Variants in BTD observed in about 807,000 individuals in gnomAD.
The protein encoded by BTD is biotinidase.
BTD carries 13 observed loss-of-function variants against 17.7 expected under a neutral mutation model. That is an observed-to-expected ratio of 0.74 (90% CI 0.48 to 1.17). The LOEUF (loss-of-function observed/expected upper bound fraction) is 1.17, where lower values mean the gene tolerates loss of function less well. Among genes scored for constraint, BTD ranks in the 50% most tolerant of loss-of-function variants. The pLI is 0.00. For synonymous variants in BTD, 240 were observed against 245.2 expected, an observed-to-expected ratio of 0.98 and a Z score of 0.20; for missense variants, 674 against 650.4, an observed-to-expected ratio of 1.04 and a Z score of -0.39.
chr3:15,681,824 G>A (rs2067576049), intron 3 of BTD, among the ~76,000 whole-genome samples: 1 of 152,298 alleles, frequency 6.6e-6, no homozygotes, highest in African/African-American at 2.4e-5. Flanking sequence ...GTGGGGCAGT[G>A]CAACTGGCAT....
rs1229941394 is a variant in BTD at position 15,650,108 on chromosome 3, A to G, written c.*4620A>G. Among the ~76,000 whole-genome samples, 3 of 152,250 alleles carry G rather than the reference A, an allele frequency of 2.0e-5. No individual in the cohort carries two copies. Among genetic ancestry groups the G allele is most frequent in the Non-Finnish European group, 1.5e-5 (1 of 68,048 alleles). On this transcript the variant is annotated 3_prime_UTR_variant, in exon 4 of 4. Transcript: ENST00000643237. The stretch of plus-strand genomic sequence containing the variant: ...TTCATCTTTTGTCTCTGCAGCGTTC[A>G]GCATGGCACTGTCTTGGCTTACAAA...
chr3:15,667,983 G>T (rs2066068682), intron 3 of BTD: 1 of 152,252 alleles, frequency 6.6e-6, no homozygotes, highest in Admixed American at 6.5e-5. Context: ...CTGTAAAAGA[G>T]AAGACATGGC....
At chr3:15,656,445 G>A (rs2065872475), downstream of BTD, among the ~76,000 whole-genome samples, 2 of 152,186 alleles carry the variant, frequency 1.3e-5, no homozygotes, top group Non-Finnish European at 2.9e-5. Context: ...GCTCATGCGG[G>A]AGGGACACAG....
intron 3 of BTD, among the ~76,000 whole-genome samples, chr3:15,659,188 A>G (rs1323259731): frequency 2.0e-5 from 3 of 152,184 alleles, no homozygotes; most frequent in African/African-American, 7.2e-5. Context: ...TATATCTCAC[A>G]CACCTACTCT....
intron 3 of BTD, among the ~76,000 whole-genome samples, chr3:15,701,224 G>C (rs1045564042): frequency 2.0e-5 from 3 of 152,100 alleles, no homozygotes; most frequent in African/African-American, 7.2e-5. Flanking sequence ...AAATGCTTTA[G>C]ACCTCTTAGA....
chr3:15,670,321 G>A, intron 3 of BTD: 1 of 1,613,686 alleles, frequency 6.2e-7, no homozygotes, highest in Non-Finnish European at 8.5e-7. Flanking sequence ...CAGTGTATAA[G>A]TACTCCTGTT....
downstream of BTD, among the ~76,000 whole-genome samples, chr3:15,715,994 C>CA (rs2072970666): frequency 1.4e-5 from 2 of 142,712 alleles, no homozygotes; most frequent in Non-Finnish European, 3.1e-5. Flanking sequence ...TTTTTTCTCT[C>CA]TTTTTTTTTT....
At chr3:15,615,728 G>C (rs2125373477) in intron 1 of BTD, among the ~76,000 whole-genome samples, 1 of 152,326 alleles carries the variant, frequency 6.6e-6, no homozygotes, top group Non-Finnish European at 1.5e-5. Flanking sequence ...AGAATGGTAT[G>C]TTTGTTATAA....
intron 2 of BTD, among the ~76,000 whole-genome samples, chr3:15,637,254 T>G (rs1410299103): frequency 1.3e-5 from 2 of 152,116 alleles, no homozygotes; most frequent in African/African-American, 4.8e-5. Context: ...CAGAACTGTA[T>G]GCAGCTATCC....
chr3:15,663,504 A>G (rs972364160), intron 3 of BTD, among the ~76,000 whole-genome samples: 1 of 152,134 alleles, frequency 6.6e-6, no homozygotes, highest in Non-Finnish European at 1.5e-5. Context: ...CATTTCTCTA[A>G]TAGATATAGG....
intron 1 of BTD, among the ~76,000 whole-genome samples, chr3:15,612,782 A>AT: frequency 6.6e-6 from 1 of 151,766 alleles, no homozygotes; most frequent in South Asian, 2.1e-4. Flanking sequence ...CCCATTTATT[A>AT]TCTCAAAGTC....
downstream of BTD, chr3:15,714,532 G>GA (rs5846873): frequency 0.13 from 137,661 of 1,058,400 alleles, 994 homozygotes; most frequent in African/African-American, 0.28. Flanking sequence ...CTACATTTAA[G>GA]AAAAAAAAAA....
At chr3:15,642,279 A>G (rs544699152) in intron 3 of BTD, 2 of 1,426,016 alleles carry the variant, frequency 1.4e-6, no homozygotes, top group East Asian at 2.5e-5. Context: ...TTTATTAATT[A>G]CACAATAAAT....
At chr3:15,631,680 G>A (rs567718997) in intron 1 of BTD, among the ~76,000 whole-genome samples, 31 of 152,290 alleles carry the variant, frequency 2.0e-4, no homozygotes, top group African/African-American at 6.5e-4. Context: ...CTGTAGGGCC[G>A]TCCAAGATCA....
rs141711944 is a variant in BTD at position 15,668,917 on chromosome 3, C to T, written c.399+26860C>T. 14 of 152,666 alleles carry T rather than the reference C, an allele frequency of 9.2e-5. 1 individual carries two copies. The highest frequency in any genetic ancestry group is 3.4e-4 in the African/African-American group (14 of 41,538). 9.5% of individuals were successfully genotyped at this position (152,666 alleles called of 1,614,324 possible). A position where few individuals can be genotyped will look rare whatever the true frequency, so the allele number is the denominator to read the frequency against. The stretch of plus-strand genomic sequence containing the variant: ...AGAACTTTACCCATACCTGTAAGAC[C>T]CTCAATGTATATGAAATCATTTTCA... On this transcript the variant is annotated intron_variant, in intron 3 of 3. Coordinates refer to the BTD transcript ENST00000672141.
At chr3:15,625,496 G>A (rs2065044168) in intron 1 of BTD, among the ~76,000 whole-genome samples, 2 of 152,154 alleles carry the variant, frequency 1.3e-5, no homozygotes, top group African/African-American at 4.8e-5. Flanking sequence ...AAGTGCGGGT[G>A]CCTCCATCTA....
chr3:15,633,799 A>G (rs964434339), intron 1 of BTD, among the ~76,000 whole-genome samples: 20 of 152,216 alleles, frequency 1.3e-4, no homozygotes, highest in African/African-American at 4.8e-4. Flanking sequence ...TCATTGTGAA[A>G]CCAGAGATGG....
In BTD at chr3:15,644,201, C is replaced by T. The variant is rs371387424; in HGVS notation, c.400-115C>T. 8.7e-4 allele frequency: 926 copies of T among 1,060,548 alleles called. 12 individuals carry two copies. The South Asian group carries it at 0.013, about 15-fold the overall frequency. 65.7% of individuals were successfully genotyped at this position (1,060,548 alleles called of 1,614,324 possible). A position where few individuals can be genotyped will look rare whatever the true frequency, so the allele number is the denominator to read the frequency against. On this transcript the variant is annotated intron_variant, in intron 3 of 3. Coordinates refer to ENST00000643237, the MANE Select transcript of BTD (RefSeq NM_001370658.1). ...ATTTTTAGTTGAGATGGGGTTTCAC[C>T]GTGTTAGCCAGGGTGGTCTCAATCT... is the stretch of plus-strand genomic sequence containing the variant.
At position 15,678,484 on chromosome 3, in the gene BTD, C is replaced by A. The variant is rs1575103780; in HGVS notation, c.400-31576C>A. 5 of 730,276 alleles carry A rather than the reference C, an allele frequency of 6.8e-6. No individual in the cohort carries two copies. The East Asian group carries it at 1.5e-4, about 22-fold the overall frequency. 45.2% of individuals were successfully genotyped at this position (730,276 alleles called of 1,614,324 possible). Reference sequence around the variant, plus strand: ...AGGCTACAAAAGCACTGCCTGTACACAAACAAATAGGCTCAATGGAGCTTA... The same window carrying A: ...AGGCTACAAAAGCACTGCCTGTACAAAAACAAATAGGCTCAATGGAGCTTA... On this transcript the variant is annotated intron_variant, in intron 3 of 3. Coordinates refer to the BTD transcript ENST00000672141.
Sources: gnomAD v4.1 joint callset for allele counts (sites outside exome capture counted in the v4.1 genomes callset) on GRCh38, gnomAD v4.1.1 for gene constraint, MANE v1.5 for transcripts, NCBI Gene and HGNC (gene_info 2026-07-23, HGNC 2026-07-21) for gene names.